The following LITAF variants were observed in gnomAD, a reference collection of about 807,000 sequenced individuals.
LITAF encodes lipopolysaccharide-induced tumor necrosis factor-alpha factor.
In LITAF, 9 loss-of-function variants were observed where a neutral mutation model predicts 14.5. The observed-to-expected ratio is 0.62, with a 90% CI of 0.37 to 1.08. The LOEUF (loss-of-function observed/expected upper bound fraction) is 1.08. Among genes scored for constraint, LITAF ranks in the 50% least tolerant of loss-of-function variants. The probability of loss-of-function intolerance (pLI) is 0.01; values close to 1 mark genes in which losing one functional copy is unlikely to be tolerated. For synonymous variants in LITAF, 98 were observed against 88.2 expected (o/e 1.11, Z -0.62); for missense variants, 206 against 213.4 (o/e 0.97, Z 0.22).
upstream of LITAF, among the ~76,000 whole-genome samples, chr16:11,638,066 C>CTA (rs1160965687): frequency 2.7e-4 from 24 of 87,894 alleles, 4 homozygotes; most frequent in East Asian, 3.2e-3. Context: ...ATATATATAT[C>CTA]TATATATATA....
upstream of LITAF, among the ~76,000 whole-genome samples, chr16:11,592,070 A>G (rs1012357040): frequency 2.4e-4 from 36 of 152,384 alleles, no homozygotes; most frequent in African/African-American, 8.2e-4. Flanking sequence ...AAACAAATGC[A>G]CAAGCAATAA....
rs1166800342 is a variant in LITAF, at chr16:11,634,551, C to A, written c.-20-914G>T. On this transcript the variant is annotated intron_variant, in intron 2 of 3. Coordinates refer to the LITAF transcript ENST00000574848. This position sits in a 1 kb window ranked among gnomAD's most constrained non-coding sequence, Gnocchi z 4.1. Reference sequence around the variant, plus strand: ...CACTATTGTAGAATCTAAGATCGGCCTTTTGAAACGTCTTCTCAGGTTTTT... The same window carrying A: ...CACTATTGTAGAATCTAAGATCGGCATTTTGAAACGTCTTCTCAGGTTTTT... Among the ~76,000 whole-genome samples the A allele has an allele frequency of 6.6e-6, 1 of 152,184 alleles. No individual in the cohort carries two copies. Among genetic ancestry groups the A allele is most frequent in the African/African-American group, 2.4e-5 (1 of 41,436 alleles).
In LITAF at chr16:11,549,713, C is replaced by T. The variant is rs144232569; in HGVS notation, c.410G>A (p.Cys137Tyr). 74 of 1,613,592 alleles carry T rather than the reference C, an allele frequency of 4.6e-5. No individual in the cohort carries two copies. Among genetic ancestry groups the T allele is most frequent in the Non-Finnish European group, 5.7e-5 (67 of 1,179,864 alleles). The change falls in exon 4 of 4, where the codon TGC becomes TAC. Residue 137 changes from cysteine to tyrosine, a missense_variant. Physicochemically the swap from Cys to Tyr is radical, Grantham distance 194 (BLOSUM62 -2). Transcript: ENST00000622633. This position sits in a 1 kb window ranked among gnomAD's most constrained non-coding sequence, Gnocchi z 4.6. Reference sequence around the variant, plus strand: ...GTCCACGTCCTGCAGGGCATCCACGCAGAAGGGGATGAAGCAGCAGCCCGC... The same window carrying T: ...GTCCACGTCCTGCAGGGCATCCACGTAGAAGGGGATGAAGCAGCAGCCCGC... ...CIAGCCFIPF[C>Y]VDALQDVDHY... is the part of the protein sequence containing the mutation.
At chr16:11,624,223 A>G (rs749585571) in intron 3 of LITAF, among the ~76,000 whole-genome samples, 4 of 152,148 alleles carry the variant, frequency 2.6e-5, no homozygotes, top group Non-Finnish European at 5.9e-5. Flanking sequence ...TTTCCCTCAG[A>G]GGGGTAAAGA....
chr16:11,568,321 T>G (rs992255049), intron 1 of LITAF, among the ~76,000 whole-genome samples: 2 of 150,254 alleles, frequency 1.3e-5, no homozygotes, highest in Non-Finnish European at 3.0e-5. Flanking sequence ...GAGAGGGTAG[T>G]TCTTACCACT....
chr16:11,572,394 C>T (rs1157617510), intron 1 of LITAF, among the ~76,000 whole-genome samples: 1 of 152,136 alleles, frequency 6.6e-6, no homozygotes, highest in African/African-American at 2.4e-5. Flanking sequence ...GGAGATGCAA[C>T]TAAAACCACA....
At chr16:11,628,209 C>A (rs1295139880) in intron 3 of LITAF, among the ~76,000 whole-genome samples, 1 of 152,156 alleles carries the variant, frequency 6.6e-6, no homozygotes, top group Non-Finnish European at 1.5e-5. Flanking sequence ...GCCCAACAGC[C>A]ATGACTCATC....
In LITAF at chr16:11,580,907, G is replaced by A. The variant is rs371534848; in HGVS notation, c.-6+5979C>T. ...AGCCTCCAGAGTGGCTGGGATCACA[G>A]GCATGAGCCACCATGCCAGACTAAT... On this transcript the variant is annotated intron_variant, in intron 1 of 3. Transcript: ENST00000622633. Among the ~76,000 whole-genome samples the A allele has an allele frequency of 6.6e-5, 10 of 152,296 alleles. No homozygotes were observed. In the East Asian group the frequency reaches 1.4e-3, roughly 21 times the overall value.
intron 1 of LITAF, among the ~76,000 whole-genome samples, chr16:11,579,644 C>G (rs1421396003): frequency 6.6e-6 from 1 of 152,086 alleles, no homozygotes; most frequent in Admixed American, 6.6e-5. Flanking sequence ...ATAACATACC[C>G]TCATCAGTTT....
intron 3 of LITAF, among the ~76,000 whole-genome samples, chr16:11,610,341 T>C (rs1322981926): frequency 6.6e-6 from 1 of 152,170 alleles, no homozygotes; most frequent in Non-Finnish European, 1.5e-5. Flanking sequence ...ATTAAGTTTC[T>C]AAAATTATGC....
chr16:11,571,903 C>T (rs946906847), intron 1 of LITAF, among the ~76,000 whole-genome samples: 3 of 152,044 alleles, frequency 2.0e-5, no homozygotes, highest in Admixed American at 6.6e-5. Flanking sequence ...TCAAGACCAG[C>T]CTGAGCAAAA....
chr16:11,623,389 TG>T (rs2065063224), intron 3 of LITAF, among the ~76,000 whole-genome samples: 1 of 151,568 alleles, frequency 6.6e-6, no homozygotes, highest in African/African-American at 2.4e-5. Flanking sequence ...AGGCTGGGCG[TG>T]GTGGCTCACA....
upstream of LITAF, among the ~76,000 whole-genome samples, chr16:11,638,484 C>T (rs1000298355): frequency 6.6e-6 from 1 of 151,790 alleles, no homozygotes; most frequent in African/African-American, 2.4e-5. Flanking sequence ...AGGCGCATCA[C>T]GAGATCAGGA....
intron 3 of LITAF, among the ~76,000 whole-genome samples, chr16:11,617,615 C>T (rs528696542): frequency 1.4e-4 from 21 of 151,120 alleles, no homozygotes; most frequent in African/African-American, 1.5e-4. Context: ...TTAGTAGAGA[C>T]GGGGTTTCAC....
upstream of LITAF, among the ~76,000 whole-genome samples, chr16:11,589,402 C>T (rs2064835205): frequency 1.3e-5 from 2 of 152,194 alleles, no homozygotes; most frequent in Admixed American, 1.3e-4. Context: ...ACTCTGGCCA[C>T]CTCTGTCCAA....
chr16:11,581,924 G>A (rs2064743427), intron 1 of LITAF, among the ~76,000 whole-genome samples: 1 of 152,248 alleles, frequency 6.6e-6, no homozygotes, highest in South Asian at 2.1e-4. Flanking sequence ...TGTGGTTACT[G>A]GAGGTTACAA....
upstream of LITAF, among the ~76,000 whole-genome samples, chr16:11,589,732 C>G (rs2064836872): frequency 6.6e-6 from 1 of 151,410 alleles, no homozygotes. Flanking sequence ...GATCCTCCCA[C>G]CTCAGCCTCC....
chr16:11,612,884 C>T (rs946633944), intron 3 of LITAF, among the ~76,000 whole-genome samples: 1 of 152,182 alleles, frequency 6.6e-6, no homozygotes, highest in Non-Finnish European at 1.5e-5. Context: ...CTCCTGAAGA[C>T]TTGTGGGAAC....
At position 11,631,149 on chromosome 16, in the gene LITAF, TG is replaced by T. The variant is rs142792101; in HGVS notation, c.85+2383del. On this transcript the variant is annotated intron_variant, in intron 3 of 3. Transcript: ENST00000574848. ...AATAACCAGGTCGCCATGGGGTAAG[TG>T]CACTGCAGGAGAAGCTGCTTACAAG... is the stretch of plus-strand genomic sequence containing the variant. 3.8e-4 allele frequency among the ~76,000 whole-genome samples: 58 copies of T among 152,318 alleles called. 1 individual carries two copies. The East Asian group carries it at 0.011, about 28-fold the overall frequency.
Sources: allele counts gnomAD v4.1 joint callset (sites outside exome capture counted in the v4.1 genomes callset), GRCh38; gene constraint gnomAD v4.1.1; non-coding constraint Gnocchi (gnomAD v3.1); transcripts MANE v1.5; gene names NCBI Gene and HGNC (gene_info 2026-07-23, HGNC 2026-07-21).